The following CAB39L variants were observed in gnomAD, a reference collection of about 807,000 sequenced individuals.
CAB39L encodes calcium-binding protein 39-like.
CAB39L carries 23 observed loss-of-function variants against 39.1 expected under a neutral mutation model. The ratio of observed to expected loss-of-function variants is 0.59; its 90% CI spans 0.42 to 0.83. The LOEUF is 0.83. CAB39L is among the 40% of genes least tolerant of loss of function. The pLI is 0.00. For missense variants in CAB39L, 366 were observed against 391.9 expected (o/e 0.93, Z 0.56); for synonymous variants, 126 against 137.2 (o/e 0.92, Z 0.57).
chr13:49,382,991 T>G (rs1460635114), intron 3 of CAB39L, 50 bp from the exon 4 acceptor site: 1 of 714,064 alleles, frequency 1.4e-6, no homozygotes, highest in African/African-American at 1.8e-5. Flanking sequence ...CTTAATATGC[T>G]TAAATTTTTA....
intron 6 of CAB39L, among the ~76,000 whole-genome samples, chr13:49,354,756 C>G (rs1212696523): frequency 6.6e-6 from 1 of 152,086 alleles, no homozygotes; most frequent in African/African-American, 2.4e-5. Context: ...CTAGGCATGC[C>G]CATCAAATAA....
chr13:49,368,311 T>C (rs778596336), intron 5 of CAB39L, among the ~76,000 whole-genome samples: 7 of 152,204 alleles, frequency 4.6e-5, no homozygotes, highest in Non-Finnish European at 8.8e-5. Flanking sequence ...CAGGTTCTGC[T>C]ACCAGGGACC....
intron 3 of CAB39L, among the ~76,000 whole-genome samples, chr13:49,395,524 G>A (rs971182727): frequency 6.6e-6 from 1 of 152,038 alleles, no homozygotes; most frequent in Non-Finnish European, 1.5e-5. Context: ...GAGCCACCAC[G>A]CCTGGCCTGT....
At chr13:49,424,148 CT>C (rs1402177739) in intron 3 of CAB39L, among the ~76,000 whole-genome samples, 2 of 152,204 alleles carry the variant, frequency 1.3e-5, no homozygotes, top group Non-Finnish European at 2.9e-5. Context: ...ATCGTGACTT[CT>C]TTCCAGAGAG....
intron 5 of CAB39L, among the ~76,000 whole-genome samples, chr13:49,370,422 T>A (rs1356465678): frequency 6.6e-6 from 1 of 152,186 alleles, no homozygotes; most frequent in Non-Finnish European, 1.5e-5. Flanking sequence ...CGACCACTGA[T>A]GGAAAAACTG....
chr13:49,350,003 A>G (rs1216472009), intron 7 of CAB39L, among the ~76,000 whole-genome samples: 1 of 152,184 alleles, frequency 6.6e-6, no homozygotes, highest in Non-Finnish European at 1.5e-5. Flanking sequence ...GATAAAATAC[A>G]GAAACCAAAA....
At chr13:49,406,991 T>C (rs1956894548) in intron 3 of CAB39L, among the ~76,000 whole-genome samples, 1 of 152,232 alleles carries the variant, frequency 6.6e-6, no homozygotes, top group African/African-American at 2.4e-5. Context: ...TTACGTGTTA[T>C]AAAAACAAAA....
chr13:49,320,697 G>A (rs1365073271), intron 10 of CAB39L, among the ~76,000 whole-genome samples: 2 of 152,122 alleles, frequency 1.3e-5, no homozygotes, highest in African/African-American at 4.8e-5. Context: ...CGGTTATGTG[G>A]AAGCTACTCC....
chr13:49,317,754 G>GA (rs1369731562), intron 10 of CAB39L, among the ~76,000 whole-genome samples: 2 of 151,820 alleles, frequency 1.3e-5, no homozygotes, highest in Admixed American at 6.6e-5. Flanking sequence ...AGCAATGAAA[G>GA]AAAAAACAGG....
At chr13:49,313,406 A>C (rs762878394) in intron 10 of CAB39L, among the ~76,000 whole-genome samples, 1 of 151,760 alleles carries the variant, frequency 6.6e-6, no homozygotes, top group Non-Finnish European at 1.5e-5. Flanking sequence ...GCGTGAACCC[A>C]GGAGGCGAAG....
At chr13:49,346,066 T>TATATATATAC (rs1955147337) in intron 7 of CAB39L, among the ~76,000 whole-genome samples, 1 of 116,824 alleles carries the variant, frequency 8.6e-6, no homozygotes, top group Non-Finnish European at 1.8e-5. Context: ...AGCATATATA[T>TATATATATAC]ATATGCTAGA....
At chr13:49,374,436 T>A (rs1427867591) in intron 5 of CAB39L, among the ~76,000 whole-genome samples, 7 of 152,204 alleles carry the variant, frequency 4.6e-5, no homozygotes, top group Non-Finnish European at 1.0e-4. Flanking sequence ...GAAAGATACT[T>A]CTTTTCTCCA....
Position 49,324,465 on chromosome 13 carries a change from C to T in CAB39L, c.834+7482G>A, listed in dbSNP as rs1046925422. On this transcript the variant is annotated intron_variant, in intron 10 of 10. Coordinates refer to ENST00000409308, the MANE Select transcript of CAB39L (RefSeq NM_001079670.3). ...GTTAGGAGATAGAGCAGAGAAAGAA[C>T]AAATCAGAGGAAAATTCCTGCTCGC... 7.2e-5 allele frequency among the ~76,000 whole-genome samples: 11 copies of T among 152,162 alleles called. 1 individual carries two copies. The highest frequency in any genetic ancestry group is 2.7e-4 in the African/African-American group (11 of 41,452).
chr13:49,442,804 A>AACAAAAC lies in CAB39L; in HGVS notation c.-246+1181_-246+1182insGTTTTGT, dbSNP rs1555268543. Among the ~76,000 whole-genome samples, 138 of 149,164 alleles carry AACAAAAC rather than the reference A, an allele frequency of 9.3e-4. 3 individuals carry two copies. Among genetic ancestry groups the AACAAAAC allele is most frequent in the African/African-American group, 3.4e-3 (134 of 39,226 alleles). ...CTCCATCTCAAAAAAAAAAAAAAAAAAAAAAAAAAAAAAAACATCAATTAT... is the reference window on the plus strand; with the variant it reads ...CTCCATCTCAAAAAAAAAAAAAAAAAACAAAACAAAAAAAAAAAAAAACATCAATTAT... On this transcript the variant is annotated intron_variant, in intron 1 of 10. Coordinates refer to ENST00000409308, the MANE Select transcript of CAB39L (RefSeq NM_001079670.3).
At chr13:49,342,844 G>A (rs1471964051) in intron 8 of CAB39L, among the ~76,000 whole-genome samples, 1 of 152,128 alleles carries the variant, frequency 6.6e-6, no homozygotes, top group East Asian at 1.9e-4. Flanking sequence ...AAAATAGCTT[G>A]ATCATTTTTC....
At chr13:49,331,078 C>T (rs1954676945) in intron 10 of CAB39L, among the ~76,000 whole-genome samples, 1 of 152,014 alleles carries the variant, frequency 6.6e-6, no homozygotes, top group Admixed American at 6.6e-5. Context: ...AATGTGTGCA[C>T]TGAAAAATAA....
Position 49,429,074 on chromosome 13 carries a change from C to A in CAB39L, c.-32+4244G>T, listed in dbSNP as rs142338100. Among the ~76,000 whole-genome samples, 28 of 152,208 alleles carry A rather than the reference C, an allele frequency of 1.8e-4. No homozygotes were observed. The East Asian group carries it at 4.8e-3, about 26-fold the overall frequency. On this transcript the variant is annotated intron_variant, in intron 3 of 10. Transcript: ENST00000409308. ...AATATCCAGACTGTTCATATGTATT[C>A]TTTACAATAGCCTTGAAAGAAAACT...
At chr13:49,386,345 C>T (rs1235659334) in intron 3 of CAB39L, among the ~76,000 whole-genome samples, 3 of 152,048 alleles carry the variant, frequency 2.0e-5, no homozygotes, top group Non-Finnish European at 4.4e-5. Context: ...TGGGTTTGTT[C>T]ATTTATTCAT....
At chr13:49,423,782 T>C (rs1453977541) in intron 3 of CAB39L, among the ~76,000 whole-genome samples, 2 of 152,090 alleles carry the variant, frequency 1.3e-5, no homozygotes, top group Admixed American at 6.5e-5. Context: ...CAAACATAAA[T>C]AAGCATTAAC....
Sources: gnomAD v4.1 joint callset for allele counts (sites outside exome capture counted in the v4.1 genomes callset) on GRCh38, gnomAD v4.1.1 for gene constraint, MANE v1.5 for transcripts, NCBI Gene and HGNC (gene_info 2026-07-23, HGNC 2026-07-21) for gene names.